GABRG1: variants seen among roughly 807,000 people sequenced by gnomAD.
GABRG1 encodes gamma-aminobutyric acid receptor subunit gamma-1.
In GABRG1, 49 loss-of-function variants were observed where a neutral mutation model predicts 49.8. The ratio of observed to expected loss-of-function variants is 0.98; its 90% confidence interval spans 0.78 to 1.25. The LOEUF is 1.25. Ranked by LOEUF, GABRG1 falls within the 50% of genes most tolerant of loss-of-function variation. GABRG1 has a pLI of 0.00. For synonymous variants in GABRG1, 232 were observed against 185.1 expected (o/e 1.25, Z -2.06); for missense variants, 552 against 552.3 (o/e 1.00, Z 0.01).
intron 3 of GABRG1, among the ~76,000 whole-genome samples, chr4:46,071,348 A>G (rs962925406): frequency 8.6e-5 from 13 of 151,034 alleles, no homozygotes; most frequent in African/African-American, 3.2e-4. Flanking sequence ...ATATATACAT[A>G]ACACATATAT....
At chr4:46,059,384 C>A (rs947020539) in intron 5 of GABRG1, among the ~76,000 whole-genome samples, 3 of 151,480 alleles carry the variant, frequency 2.0e-5, no homozygotes, top group Non-Finnish European at 4.4e-5. Flanking sequence ...AGTATACTAA[C>A]ATATTCTCCT....
intron 3 of GABRG1, among the ~76,000 whole-genome samples, chr4:46,066,262 A>C (rs1175613441): frequency 1.3e-5 from 2 of 152,202 alleles, no homozygotes; most frequent in Non-Finnish European, 2.9e-5. Flanking sequence ...CGCAAAAAAC[A>C]ACCAAATTTT....
At chr4:46,117,954 C>A (rs1430663070) in intron 1 of GABRG1, among the ~76,000 whole-genome samples, 7 of 38,022 alleles carry the variant, frequency 1.8e-4, no homozygotes, top group Middle Eastern at 0.028. Flanking sequence ...ACATGTGTAT[C>A]TATATACATA....
chr4:46,081,267 C>T (rs1330491738), intron 3 of GABRG1, among the ~76,000 whole-genome samples: 1 of 151,868 alleles, frequency 6.6e-6, no homozygotes, highest in Non-Finnish European at 1.5e-5. Context: ...CCAGCCTCAA[C>T]TTTTCCCTGA....
chr4:46,106,867 C>T (rs554667980), intron 1 of GABRG1, among the ~76,000 whole-genome samples: 16 of 151,114 alleles, frequency 1.1e-4, no homozygotes, highest in Admixed American at 8.6e-4. Flanking sequence ...GCATGGTCAC[C>T]TAATTCATCT....
intron 3 of GABRG1, among the ~76,000 whole-genome samples, chr4:46,074,351 C>T (rs772122748): frequency 6.6e-6 from 1 of 152,018 alleles, no homozygotes; most frequent in Non-Finnish European, 1.5e-5. Context: ...ATATTATTAC[C>T]AGTTTATAAA....
chr4:46,104,193 T>C (rs1720465773), intron 1 of GABRG1, among the ~76,000 whole-genome samples: 1 of 151,484 alleles, frequency 6.6e-6, no homozygotes, highest in African/African-American at 2.4e-5. Flanking sequence ...CATACCACAT[T>C]ATATTTCAGT....
chr4:46,095,445 G>A (rs1197193603), intron 2 of GABRG1, among the ~76,000 whole-genome samples: 8 of 151,442 alleles, frequency 5.3e-5, no homozygotes, highest in Admixed American at 4.6e-4. Context: ...CTAGAAAAAC[G>A]GCTACCCAAA....
rs566422389 is a variant in GABRG1 at position 46,119,537 on chromosome 4, C to A, written c.104+4273G>T. 6.6e-5 allele frequency among the ~76,000 whole-genome samples: 10 copies of A among 151,470 alleles called. No homozygotes were observed. The Admixed American group carries it at 6.6e-4, about 10-fold the overall frequency. ...TCGAGGCTATATTCTTCTTCTTCTT[C>A]TCATTAGGTAATTTGGCTAAGTATA... On this transcript the variant is annotated intron_variant, in intron 1 of 8. Coordinates refer to ENST00000295452, the MANE Select transcript of GABRG1 (RefSeq NM_173536.4).
chr4:46,091,082 A>C (rs894318411), intron 2 of GABRG1, among the ~76,000 whole-genome samples: 16 of 151,826 alleles, frequency 1.1e-4, no homozygotes, highest in African/African-American at 3.4e-4. Context: ...TGACAAACCA[A>C]ATATAAGCAG....
At chr4:46,057,102 C>T (rs1560351828) in intron 7 of GABRG1, among the ~76,000 whole-genome samples, 1 of 151,986 alleles carries the variant, frequency 6.6e-6, no homozygotes, top group Non-Finnish European at 1.5e-5. Context: ...GTTATAGTAG[C>T]ATACAAAGAA....
chr4:46,046,674 G>T (rs1051871655), intron 8 of GABRG1, among the ~76,000 whole-genome samples: 3 of 151,964 alleles, frequency 2.0e-5, no homozygotes, highest in Non-Finnish European at 2.9e-5. Context: ...GTGGGGTGAG[G>T]CGGTGCCAGG....
intron 1 of GABRG1, among the ~76,000 whole-genome samples, chr4:46,120,851 A>T (rs989573536): frequency 4.6e-5 from 7 of 151,808 alleles, no homozygotes; most frequent in Non-Finnish European, 1.0e-4. Flanking sequence ...TATAACTCTT[A>T]GTCAAGGCTT....
chr4:46,046,134 A>C lies in GABRG1; in HGVS notation c.1132-4880T>G, dbSNP rs187590920. On this transcript the variant is annotated intron_variant, in intron 8 of 8. Coordinates refer to ENST00000295452, the MANE Select transcript of GABRG1 (RefSeq NM_173536.4). ...AATTGTTCTATTTGTTTATTTATGA[A>C]TTGTTCTATTTGTTTATTAGTTTCA... is the stretch of plus-strand genomic sequence containing the variant. Among the ~76,000 whole-genome samples, 4 of 152,184 alleles carry C rather than the reference A, an allele frequency of 2.6e-5. No individual in the cohort carries two copies. The East Asian group carries it at 5.8e-4, about 22-fold the overall frequency.
At chr4:46,041,533 G>C (rs1263583661) in intron 8 of GABRG1, among the ~76,000 whole-genome samples, 1 of 151,416 alleles carries the variant, frequency 6.6e-6, no homozygotes, top group Non-Finnish European at 1.5e-5. Flanking sequence ...ATTTACCATG[G>C]ATCTAATTCT....
At chr4:46,084,206 T>C (rs921599675) in intron 2 of GABRG1, among the ~76,000 whole-genome samples, 153 bp from the exon 3 acceptor site, 2 of 151,696 alleles carry the variant, frequency 1.3e-5, no homozygotes, top group Admixed American at 1.3e-4. Context: ...GTAGCCTTTA[T>C]AAAAAACAAT....
intron 1 of GABRG1, among the ~76,000 whole-genome samples, chr4:46,109,569 T>A (rs1720657163): frequency 1.3e-5 from 2 of 151,132 alleles, no homozygotes; most frequent in African/African-American, 4.8e-5. Context: ...GTGGTTAGTT[T>A]GTTCTTATTT....
intron 8 of GABRG1, 63 bp from the exon 9 acceptor site, chr4:46,041,317 C>T: frequency 6.5e-7 from 1 of 1,529,426 alleles, no homozygotes; most frequent in Non-Finnish European, 8.9e-7. Flanking sequence ...GATCAATTTG[C>T]TCCTTTAACG....
At chr4:46,076,100 T>C (rs1221522730) in intron 3 of GABRG1, among the ~76,000 whole-genome samples, 1 of 151,828 alleles carries the variant, frequency 6.6e-6, no homozygotes. Context: ...CATACAATCC[T>C]ATAAATTAAA....
Sources: gnomAD v4.1 joint callset for allele counts (sites outside exome capture counted in the v4.1 genomes callset) on GRCh38, gnomAD v4.1.1 for gene constraint, MANE v1.5 for transcripts, NCBI Gene and HGNC (gene_info 2026-07-23, HGNC 2026-07-21) for gene names.